Variants in GLS observed in about 807,000 individuals in gnomAD.
GLS encodes the protein glutaminase, also known as glutaminase kidney isoform, mitochondrial.
GLS carries 36 observed loss-of-function variants against 86.7 expected under a neutral mutation model. The observed-to-expected ratio is 0.42, with a 90% CI of 0.32 to 0.55. GLS has a LOEUF of 0.55. Among genes scored for constraint, GLS ranks in the 20% least tolerant of loss-of-function variants. The probability of loss-of-function intolerance (pLI) is 0.17; values close to 1 mark genes in which losing one functional copy is unlikely to be tolerated. For missense variants in GLS, 528 were observed against 833.4 expected (o/e 0.63, Z 4.51); for synonymous variants, 317 against 305.9 (o/e 1.04, Z -0.38).
In GLS at chr2:190,932,674, T is replaced by C. The variant is rs747128666; in HGVS notation, c.1650+1037T>C. The C allele has an allele frequency of 3.4e-6, 5 of 1,458,016 alleles. No homozygotes were observed. The Admixed American group carries it at 9.6e-5, about 28-fold the overall frequency. 90.3% of individuals were successfully genotyped at this position (1,458,016 alleles called of 1,614,324 possible). A position where few individuals can be genotyped will look rare whatever the true frequency, so the allele number is the denominator to read the frequency against. ...TTTTATAGCTTGGACCTTTCTTCAC[T>C]CAAGTGCACTAATAAATTATGTATG... On this transcript the variant is annotated intron_variant, in intron 14 of 17. Coordinates refer to ENST00000320717, the MANE Select transcript of GLS (RefSeq NM_014905.5).
In GLS at chr2:190,880,918, G is replaced by GCAGCAC. The variant is rs1209579567; in HGVS notation, c.-165_-164insGCACCA. ...AGCAGCAGCAGCAGCAGCAGCAGCAGCACCCGCATCCGCTGCGGGAGTCCG... is the reference window on the plus strand; with the variant it reads ...AGCAGCAGCAGCAGCAGCAGCAGCAGCAGCACCACCCGCATCCGCTGCGGGAGTCCG... On this transcript the variant is annotated 5_prime_UTR_variant, in exon 1 of 18. Coordinates refer to ENST00000320717, the MANE Select transcript of GLS (RefSeq NM_014905.5). 33 of 882,480 alleles carry GCAGCAC rather than the reference G, an allele frequency of 3.7e-5. 1 individual carries two copies. Among genetic ancestry groups the GCAGCAC allele is most frequent in the South Asian group, 1.7e-4 (12 of 68,678 alleles). 54.7% of individuals were successfully genotyped at this position (882,480 alleles called of 1,614,324 possible). A position where few individuals can be genotyped will look rare whatever the true frequency, so the allele number is the denominator to read the frequency against.
intron 14 of GLS, among the ~76,000 whole-genome samples, chr2:190,950,995 G>C (rs1690704104): frequency 6.6e-6 from 1 of 152,230 alleles, no homozygotes; most frequent in African/African-American, 2.4e-5. Flanking sequence ...TGAGTTTGAA[G>C]TGACTATCAA....
At chr2:190,903,243 C>CAA (rs1169453482) in intron 5 of GLS, among the ~76,000 whole-genome samples, 1 of 152,126 alleles carries the variant, frequency 6.6e-6, no homozygotes, top group East Asian at 1.9e-4. Flanking sequence ...CAAGTACTTA[C>CAA]AGTAAAAAAT....
In GLS at chr2:190,905,190, T is replaced by A; in HGVS notation, c.979+23T>A. 1 of 1,424,556 alleles carries A rather than the reference T, an allele frequency of 7.0e-7. No homozygotes were observed. Among genetic ancestry groups the A allele is most frequent in the Non-Finnish European group, 9.7e-7 (1 of 1,026,254 alleles). The allele number at this position is 1,424,556 out of a possible 1,614,324, so 88.2% of individuals were successfully genotyped here. ...ATGGTAAGAATTACATAAACATTGGTTGAAAAAAGAAATGTCTCATTTTCC... is the reference window on the plus strand; with the variant it reads ...ATGGTAAGAATTACATAAACATTGGATGAAAAAAGAAATGTCTCATTTTCC... On this transcript the variant is annotated intron_variant, in intron 6 of 17. Coordinates refer to ENST00000320717, the MANE Select transcript of GLS (RefSeq NM_014905.5). This position sits in a 1 kb window ranked among gnomAD's most constrained non-coding sequence, Gnocchi z 4.6.
intron 7 of GLS, chr2:190,919,784 C>T: frequency 2.6e-6 from 1 of 379,126 alleles, no homozygotes; most frequent in Non-Finnish European, 3.6e-6. Flanking sequence ...TCAAAGGATA[C>T]TTTAGAGAAA....
At chr2:190,958,815 G>A (rs1690924738) in intron 17 of GLS, among the ~76,000 whole-genome samples, 2 of 152,140 alleles carry the variant, frequency 1.3e-5, no homozygotes, top group Non-Finnish European at 2.9e-5. Context: ...TGCATTTGCT[G>A]AGGAGTGTTT....
In GLS at chr2:190,964,941, A is replaced by G. The variant is rs1691089042; in HGVS notation, c.*1955A>G. 6.6e-6 allele frequency: 1 copy of G among 152,130 alleles called. No individual in the cohort carries two copies. Among genetic ancestry groups the G allele is most frequent in the South Asian group, 2.1e-4 (1 of 4,824 alleles). 9.4% of individuals were successfully genotyped at this position (152,130 alleles called of 1,614,324 possible). On this transcript the variant is annotated 3_prime_UTR_variant, in exon 18 of 18. Coordinates refer to ENST00000320717, the MANE Select transcript of GLS (RefSeq NM_014905.5). This position sits in a 1 kb window ranked among gnomAD's most constrained non-coding sequence, Gnocchi z 5.2. Reference sequence around the variant, plus strand: ...CTAACCATTATTTGGGAACAAAGAGAGTTTTCATCTTTTTTCAGATCAAAA... The same window carrying G: ...CTAACCATTATTTGGGAACAAAGAGGGTTTTCATCTTTTTTCAGATCAAAA...
intron 14 of GLS, chr2:190,933,455 T>C: frequency 1.2e-6 from 1 of 868,368 alleles, no homozygotes; most frequent in Non-Finnish European, 1.4e-6. Flanking sequence ...ATTTAAAAAT[T>C]TATCAAATGC....
intron 6 of GLS, among the ~76,000 whole-genome samples, chr2:190,907,414 C>A (rs1446800510): frequency 6.6e-6 from 1 of 151,902 alleles, no homozygotes; most frequent in Non-Finnish European, 1.5e-5. Flanking sequence ...TGTGCCACCA[C>A]CCTGGCTAAT....
chr2:190,924,848 G>T lies in GLS; in HGVS notation c.1248+255G>T. 2.8e-6 allele frequency: 1 copy of T among 352,828 alleles called. No homozygotes were observed. The highest frequency in any genetic ancestry group is 5.3e-6 in the Non-Finnish European group (1 of 189,970). 21.9% of individuals were successfully genotyped at this position (352,828 alleles called of 1,614,324 possible). On this transcript the variant is annotated intron_variant, in intron 11 of 17. Coordinates refer to ENST00000320717, the MANE Select transcript of GLS (RefSeq NM_014905.5). This position sits in a 1 kb window ranked among gnomAD's most constrained non-coding sequence, Gnocchi z 5.2. The stretch of plus-strand genomic sequence containing the variant: ...GAGAATCCCTTGAACCTGGAAGGCC[G>T]AGGTTGCAGTGAGCCGAGATCACGC...
In GLS at chr2:190,905,030, C is replaced by G; in HGVS notation, c.842C>G (p.Pro281Arg). 1 of 1,600,292 alleles carries G rather than the reference C, an allele frequency of 6.2e-7. No individual in the cohort carries two copies. The highest frequency in any genetic ancestry group is 8.6e-7 in the Non-Finnish European group (1 of 1,168,368). ...QRHSTGDTKV[P>R]FCLQSCVKPL... Reference sequence around the variant, plus strand: ...CATTCTACTGGAGATACCAAAGTTCCCTTCTGTCTTCAGTCCTGTGTAAAA... The same window carrying G: ...CATTCTACTGGAGATACCAAAGTTCGCTTCTGTCTTCAGTCCTGTGTAAAA... Residue 281 changes from proline (P) to arginine (R), a missense_variant, in exon 6 of 18, where the codon CCC becomes CGC. Coordinates refer to ENST00000320717, the MANE Select transcript of GLS (RefSeq NM_014905.5). This position sits in a 1 kb window ranked among gnomAD's most constrained non-coding sequence, Gnocchi z 4.6.
intron 7 of GLS, among the ~76,000 whole-genome samples, chr2:190,915,951 CT>C (rs2124882687): frequency 6.6e-6 from 1 of 152,234 alleles, no homozygotes; most frequent in African/African-American, 2.4e-5. Flanking sequence ...TACTGTATGA[CT>C]TTTGGCATGT....
chr2:190,900,498 T>C, intron 3 of GLS, 66 bp from the exon 4 acceptor site: 1 of 820,618 alleles, frequency 1.2e-6, no homozygotes. Flanking sequence ...TAATTATTAC[T>C]GTTATTACCA....
chr2:190,891,415 TGA>T (rs2125979496), intron 1 of GLS, among the ~76,000 whole-genome samples: 1 of 151,850 alleles, frequency 6.6e-6, no homozygotes, highest in South Asian at 2.1e-4. Flanking sequence ...AAATGATCAT[TGA>T]TAGCTTAAGA....
At chr2:190,927,647 G>A (rs1203360211) in intron 12 of GLS, 165 bp downstream of exon 12, 6 of 540,866 alleles carry the variant, frequency 1.1e-5, no homozygotes, top group Non-Finnish European at 1.9e-5. Context: ...ATAGAGATAA[G>A]GTCTACCAGA....
At chr2:190,936,637 C>T (rs3821234) in intron 14 of GLS, among the ~76,000 whole-genome samples, 1 of 150,938 alleles carries the variant, frequency 6.6e-6, no homozygotes, top group East Asian at 1.9e-4. Context: ...AAGAGAGTAA[C>T]TAACAATATT....
At chr2:190,937,247 A>G (rs987631742) in intron 14 of GLS, among the ~76,000 whole-genome samples, 1 of 151,372 alleles carries the variant, frequency 6.6e-6, no homozygotes, top group Non-Finnish European at 1.5e-5. Context: ...GTTTGTTAAC[A>G]TTGCTTAGAA....
At chr2:190,927,659 G>A (rs553041911) in intron 12 of GLS, 177 bp downstream of exon 12, 1 of 507,836 alleles carries the variant, frequency 2.0e-6, no homozygotes, top group Admixed American at 3.8e-5. Context: ...TCTACCAGAT[G>A]TTCTTAAGAA....
Position 190,912,759 on chromosome 2 carries a change from C to T in GLS, c.1038+2438C>T, listed in dbSNP as rs1469125796. ...AGGTGTTTGCCATTTCTCTTGATGA[C>T]ATCTTTAATTTTAGTTAGCATAGTT... is the stretch of plus-strand genomic sequence containing the variant. On this transcript the variant is annotated intron_variant, in intron 7 of 17. Transcript: ENST00000320717. Among the ~76,000 whole-genome samples the T allele has an allele frequency of 2.6e-5, 4 of 152,158 alleles. 1 individual carries two copies. The highest frequency in any genetic ancestry group is 9.7e-5 in the African/African-American group (4 of 41,440).
Sources: gnomAD v4.1 joint callset for allele counts (sites outside exome capture counted in the v4.1 genomes callset) on GRCh38, gnomAD v4.1.1 for gene constraint, Gnocchi (gnomAD v3.1) non-coding constraint, MANE v1.5 for transcripts, NCBI Gene and HGNC (gene_info 2026-07-23, HGNC 2026-07-21) for gene names.